TSPAN7: variants seen among roughly 807,000 people sequenced by gnomAD.
TSPAN7 encodes tetraspanin-7.
Under a neutral mutation model 17.6 loss-of-function variants are expected in TSPAN7, and 1 was observed. That is an observed-to-expected ratio of 0.06 (90% CI 0.02 to 0.27). The LOEUF is 0.27. TSPAN7 is among the 10% of genes least tolerant of loss of function. The probability of loss-of-function intolerance (pLI) is 1.00; values close to 1 mark genes in which losing one functional copy is unlikely to be tolerated. For synonymous variants in TSPAN7, 78 were observed against 79.0 expected (o/e 0.99, Z 0.07); for missense variants, 112 against 201.7 (o/e 0.56, Z 2.69).
chrX:38,639,681 G>A (rs757234186), intron 1 of TSPAN7, among the ~76,000 whole-genome samples: 2 of 107,469 alleles, frequency 1.9e-5, no homozygotes, highest in Non-Finnish European at 3.8e-5. Flanking sequence ...CTTGGGTTGC[G>A]GTTCTTATGG....
chrX:38,648,450 C>T (rs1001814678), intron 1 of TSPAN7, among the ~76,000 whole-genome samples: 1 of 111,723 alleles, frequency 9.0e-6, no homozygotes, highest in Non-Finnish European at 1.9e-5. Context: ...GAGCCATTTA[C>T]ATTTTATTTA....
At position 38,666,196 on chromosome X, in the gene TSPAN7, G is replaced by A. The variant is rs17851592; in HGVS notation, c.157G>A (p.Glu53Lys). 8.3e-7 allele frequency: 1 copy of A among 1,211,079 alleles called. No individual in the cohort carries two copies. ...GGGCACCTATATCTCCCTTATTGCC[G>A]AGAACTCCACAAATGCTCCCTATGT... is the stretch of plus-strand genomic sequence containing the variant. ...TLGTYISLIA[E>K]NSTNAPYVLI... Residue 53 changes from glutamate (E) to lysine (K), a missense_variant, in exon 2 of 8, where the codon GAG becomes AAG. Physicochemically the swap from Glu to Lys is moderately conservative, Grantham distance 56 (BLOSUM62 1). Transcript: ENST00000378482.
chrX:38,679,226 A>G (rs1325529364), intron 5 of TSPAN7, among the ~76,000 whole-genome samples: 1 of 112,233 alleles, frequency 8.9e-6, no homozygotes, highest in African/African-American at 3.2e-5. Flanking sequence ...AATCTATGCC[A>G]AACTGTTTTG....
Position 38,654,366 on chromosome X carries a change from G to A in TSPAN7, c.82-11755G>A, listed in dbSNP as rs182362283. Among the ~76,000 whole-genome samples the A allele has an allele frequency of 2.7e-5, 3 of 112,361 alleles. No homozygotes were observed. The Admixed American group carries it at 2.8e-4, about 11-fold the overall frequency. ...CAGCTACAGACCTCATAGAGTTATA[G>A]GATATTAGAGCTTCAAATTACTTTT... On this transcript the variant is annotated intron_variant, in intron 1 of 7. Coordinates refer to ENST00000378482, the MANE Select transcript of TSPAN7 (RefSeq NM_004615.4).
At chrX:38,567,663 C>T (rs751432499) in intron 1 of TSPAN7, among the ~76,000 whole-genome samples, 3 of 112,303 alleles carry the variant, frequency 2.7e-5, no homozygotes, top group Non-Finnish European at 5.6e-5. Context: ...AGAATGTGTA[C>T]CAACGTTTAC....
chrX:38,595,383 C>T (rs2069314035), intron 1 of TSPAN7, among the ~76,000 whole-genome samples: 1 of 112,035 alleles, frequency 8.9e-6, no homozygotes, highest in Non-Finnish European at 1.9e-5. Flanking sequence ...ATCATCTCTG[C>T]TCTTTCTTTA....
chrX:38,578,567 A>G (rs1390004742), intron 1 of TSPAN7, among the ~76,000 whole-genome samples: 1 of 111,129 alleles, frequency 9.0e-6, no homozygotes, highest in Non-Finnish European at 1.9e-5. Flanking sequence ...GGTTATGTAA[A>G]TGACTTAGAA....
At chrX:38,593,720 C>G (rs2069304516) in intron 1 of TSPAN7, among the ~76,000 whole-genome samples, 2 of 112,176 alleles carry the variant, frequency 1.8e-5, no homozygotes, top group African/African-American at 3.2e-5. Flanking sequence ...CTTGCCTTCT[C>G]TTTGCCCTTT....
intron 1 of TSPAN7, among the ~76,000 whole-genome samples, chrX:38,635,160 G>A (rs1248574984): frequency 9.0e-6 from 1 of 111,418 alleles, no homozygotes; most frequent in African/African-American, 3.3e-5. Context: ...ATATAGATGT[G>A]TACTTGGGAA....
intron 1 of TSPAN7, among the ~76,000 whole-genome samples, chrX:38,584,105 C>G (rs1048747905): frequency 8.3e-5 from 9 of 108,188 alleles, no homozygotes; most frequent in African/African-American, 3.0e-4. Context: ...AGGCGCCCAC[C>G]CCCATGCCCA....
intron 1 of TSPAN7, among the ~76,000 whole-genome samples, chrX:38,567,893 G>T (rs1480100064): frequency 1.8e-5 from 2 of 111,580 alleles, no homozygotes; most frequent in Non-Finnish European, 3.8e-5. Flanking sequence ...GGTCGTCAGT[G>T]ATTTCATTAT....
At chrX:38,635,038 G>A (rs1049392103) in intron 1 of TSPAN7, among the ~76,000 whole-genome samples, 1 of 110,803 alleles carries the variant, frequency 9.0e-6, no homozygotes, top group African/African-American at 3.3e-5. Context: ...GCATAGCCCT[G>A]GTTCTGACTC....
At chrX:38,582,190 T>G (rs2069231150) in intron 1 of TSPAN7, among the ~76,000 whole-genome samples, 1 of 112,662 alleles carries the variant, frequency 8.9e-6, no homozygotes, top group Non-Finnish European at 1.9e-5. Context: ...GTATTAGCAT[T>G]GGAGAAAGTC....
Position 38,598,541 on chromosome X carries a change from C to T in TSPAN7, c.81+36914C>T, listed in dbSNP as rs960022884. Among the ~76,000 whole-genome samples the T allele has an allele frequency of 1.3e-4, 14 of 110,870 alleles. 1 individual carries two copies. Among genetic ancestry groups the T allele is most frequent in the Admixed American group, 9.6e-4 (10 of 10,381 alleles). On this transcript the variant is annotated intron_variant, in intron 1 of 7. Coordinates refer to ENST00000378482, the MANE Select transcript of TSPAN7 (RefSeq NM_004615.4). ...TTGTAGATTTTTAAAATTATTATTT[C>T]CCCCCTCCATTAGGCAGTGAGAACT...
Position 38,688,755 on chromosome X carries a change from G to C in TSPAN7, c.*824G>C, listed in dbSNP as rs1486957387. 1.8e-5 allele frequency: 2 copies of C among 112,287 alleles called. No individual in the cohort carries two copies. The highest frequency in any genetic ancestry group is 9.5e-5 in the Admixed American group (1 of 10,566). The allele number at this position is 112,287 out of a possible 1,213,427, so 9.3% of individuals were successfully genotyped here. A position where few individuals can be genotyped will look rare whatever the true frequency, so the allele number is the denominator to read the frequency against. On this transcript the variant is annotated 3_prime_UTR_variant, in exon 8 of 8. Transcript: ENST00000378482. ...CTTGCATTGACATTATAGACATTGA[G>C]GACCTCATCCAAACAATTTAAAAAT...
rs922950435 is a variant in TSPAN7 at position 38,674,875 on chromosome X, T to C, written c.441+559T>C. Among the ~76,000 whole-genome samples, 4 of 111,581 alleles carry C rather than the reference T, an allele frequency of 3.6e-5. No individual in the cohort carries two copies. In the Admixed American group the frequency reaches 3.8e-4, roughly 11 times the overall value. On this transcript the variant is annotated intron_variant, in intron 4 of 7. Coordinates refer to ENST00000378482, the MANE Select transcript of TSPAN7 (RefSeq NM_004615.4). ...GCTGGCACTCAAGCATAACTGCCCA[T>C]CAGGAATCACTAAGGGGGATTTTGC... is the stretch of plus-strand genomic sequence containing the variant.
chrX:38,618,819 G>A (rs1420730715), intron 1 of TSPAN7, among the ~76,000 whole-genome samples: 3 of 111,575 alleles, frequency 2.7e-5, no homozygotes, highest in Admixed American at 9.5e-5. Context: ...GGGGTTGGGA[G>A]TTGGTGGTCT....
rs759124727 is a variant in TSPAN7 at position 38,572,189 on chromosome X, T to C, written c.81+10562T>C. Among the ~76,000 whole-genome samples the C allele has an allele frequency of 2.4e-4, 27 of 111,702 alleles. 1 individual carries two copies. The highest frequency in any genetic ancestry group is 5.2e-4 in the African/African-American group (16 of 30,783). The stretch of plus-strand genomic sequence containing the variant: ...TGAGTGAAGCAGATTACTGATCTTT[T>C]TGGGAAACATAGTGGTGTTTTGGTT... On this transcript the variant is annotated intron_variant, in intron 1 of 7. Coordinates refer to ENST00000378482, the MANE Select transcript of TSPAN7 (RefSeq NM_004615.4).
chrX:38,688,762 A>G lies in TSPAN7; in HGVS notation c.*831A>G. On this transcript the variant is annotated 3_prime_UTR_variant, in exon 8 of 8. Coordinates refer to ENST00000378482, the MANE Select transcript of TSPAN7 (RefSeq NM_004615.4). ...TGACATTATAGACATTGAGGACCTC[A>G]TCCAAACAATTTAAAAATGAGTGTG... 1 of 112,786 alleles carries G rather than the reference A, an allele frequency of 8.9e-6. No individual in the cohort carries two copies. The highest frequency in any genetic ancestry group is 9.4e-5 in the Admixed American group (1 of 10,597). 9.3% of individuals were successfully genotyped at this position (112,786 alleles called of 1,213,427 possible). A position where few individuals can be genotyped will look rare whatever the true frequency, so the allele number is the denominator to read the frequency against.
Sources: gnomAD v4.1 joint callset for allele counts (sites outside exome capture counted in the v4.1 genomes callset) on GRCh38, gnomAD v4.1.1 for gene constraint, MANE v1.5 for transcripts, NCBI Gene and HGNC (gene_info 2026-07-23, HGNC 2026-07-21) for gene names.